RBM6: variants seen among roughly 807,000 people sequenced by gnomAD.
The protein encoded by RBM6 is RNA-binding protein 6.
A neutral mutation model predicts 140.4 loss-of-function variants in RBM6; 23 were observed. The ratio of observed to expected loss-of-function variants is 0.16; its 90% confidence interval spans 0.12 to 0.23. RBM6 has a LOEUF of 0.23. RBM6 is among the 10% of genes least tolerant of loss of function. The pLI, the probability that RBM6 is intolerant of heterozygous loss-of-function variation, is 1.00. For synonymous variants in RBM6, 439 were observed against 475.6 expected, an observed-to-expected ratio of 0.92 and a Z score of 1.00; for missense variants, 1,139 against 1,386.7, an observed-to-expected ratio of 0.82 and a Z score of 2.84.
intron 1 of RBM6, among the ~76,000 whole-genome samples, chr3:49,941,300 A>G (rs917734757): frequency 1.3e-5 from 2 of 152,142 alleles, no homozygotes; most frequent in Non-Finnish European, 2.9e-5. Context: ...GCATCTAACT[A>G]GATACCTAAC....
chr3:50,043,119 T>G (rs972862708), intron 6 of RBM6, among the ~76,000 whole-genome samples: 3 of 152,208 alleles, frequency 2.0e-5, no homozygotes, highest in African/African-American at 7.2e-5. Flanking sequence ...TTAGCAGGTT[T>G]TAGTCTAATT....
intron 5 of RBM6, among the ~76,000 whole-genome samples, chr3:49,984,139 C>A (rs2108681038): frequency 6.6e-6 from 1 of 151,760 alleles, no homozygotes; most frequent in East Asian, 1.9e-4. Flanking sequence ...AAAAAAAATA[C>A]AAAAAAAATT....
At chr3:50,070,605 ACCT>A in intron 19 of RBM6, 53 bp downstream of exon 19, 1 of 1,271,870 alleles carries the variant, frequency 7.9e-7, no homozygotes, top group East Asian at 2.3e-5. Flanking sequence ...TGATAAAACC[ACCT>A]CCTCCTTCAA....
intron 6 of RBM6, among the ~76,000 whole-genome samples, chr3:50,014,050 T>G (rs1357404171): frequency 1.3e-5 from 2 of 152,086 alleles, no homozygotes; most frequent in African/African-American, 4.8e-5. Flanking sequence ...ATTGCTGAGG[T>G]TGAAAAATAC....
Position 49,948,698 on chromosome 3 carries a change from G to A in RBM6, c.-67+8473G>A, listed in dbSNP as rs78015444. 1.8e-4 allele frequency among the ~76,000 whole-genome samples: 26 copies of A among 148,194 alleles called. 1 individual carries two copies. The East Asian group carries it at 5.2e-3, about 30-fold the overall frequency. ...CTGCACTCTAGATTGGCAGCAGAGTGAGACTCTGTCTCAAAAAAGAAAAAA... is the reference window on the plus strand; with the variant it reads ...CTGCACTCTAGATTGGCAGCAGAGTAAGACTCTGTCTCAAAAAAGAAAAAA... On this transcript the variant is annotated intron_variant, in intron 1 of 20. Coordinates refer to ENST00000266022, the MANE Select transcript of RBM6 (RefSeq NM_005777.3).
chr3:49,985,945 A>G (rs1575614602), intron 5 of RBM6, among the ~76,000 whole-genome samples: 2 of 151,624 alleles, frequency 1.3e-5, no homozygotes, highest in African/African-American at 2.4e-5. Flanking sequence ...AGTTGAGTAC[A>G]TTGTGTTATG....
Position 49,953,591 on chromosome 3 carries a change from C to T in RBM6, c.-66-8985C>T, listed in dbSNP as rs1436125228. On this transcript the variant is annotated intron_variant, in intron 1 of 20. Transcript: ENST00000266022. The stretch of plus-strand genomic sequence containing the variant: ...GTGCAGTAACATGACACAATCTCCG[C>T]TCACTGCAACCTCTGCCTTCTGGGT... Among the ~76,000 whole-genome samples, 3 of 151,378 alleles carry T rather than the reference C, an allele frequency of 2.0e-5. No homozygotes were observed. In the Middle Eastern group the frequency reaches 0.01, roughly 515 times the overall value.
intron 6 of RBM6, among the ~76,000 whole-genome samples, chr3:50,044,502 G>A (rs968105651): frequency 6.6e-6 from 1 of 151,318 alleles, no homozygotes; most frequent in African/African-American, 2.4e-5. Flanking sequence ...AGAATTGCTC[G>A]AACTTGGGAG....
chr3:50,012,849 TCTC>T (rs2086923254), intron 6 of RBM6, among the ~76,000 whole-genome samples: 1 of 150,410 alleles, frequency 6.6e-6, no homozygotes, highest in African/African-American at 2.5e-5. Flanking sequence ...TTCAAGCAAT[TCTC>T]CTGCCTCAGC....
chr3:49,954,455 A>AG (rs1200839888), intron 1 of RBM6, among the ~76,000 whole-genome samples: 9 of 151,892 alleles, frequency 5.9e-5, no homozygotes, highest in African/African-American at 2.2e-4. Flanking sequence ...AAAAAAAAAA[A>AG]AAAATTTGTG....
intron 2 of RBM6, among the ~76,000 whole-genome samples, chr3:49,963,833 A>G (rs572170795): frequency 6.6e-6 from 1 of 152,288 alleles, no homozygotes; most frequent in Non-Finnish European, 1.5e-5. Flanking sequence ...AATAAATCTG[A>G]CCTTTAAATG....
chr3:50,014,448 A>T (rs1226276693), intron 6 of RBM6, among the ~76,000 whole-genome samples: 1 of 152,238 alleles, frequency 6.6e-6, no homozygotes, highest in Non-Finnish European at 1.5e-5. Flanking sequence ...CAATTACTAG[A>T]AAAAACAAAC....
At chr3:49,983,349 G>A (rs1014400875) in intron 5 of RBM6, among the ~76,000 whole-genome samples, 2 of 152,054 alleles carry the variant, frequency 1.3e-5, no homozygotes, top group Non-Finnish European at 2.9e-5. Flanking sequence ...CACAGTAGCC[G>A]AGTGTGGTGA....
chr3:50,052,994 T>C (rs965752938), intron 7 of RBM6, among the ~76,000 whole-genome samples: 2 of 74,070 alleles, frequency 2.7e-5, no homozygotes, highest in Admixed American at 1.2e-4. Context: ...GGGGTGTGTG[T>C]GTGTGTGTGT....
Position 50,062,014 on chromosome 3 carries a change from A to T in RBM6, c.2492A>T (p.Lys831Met), listed in dbSNP as rs2089960907. ...GGATTACCTGAGGAAGAAGAGATCA[A>T]GGAAAAAAAACCCACCAGTCAAGGA... The part of the protein sequence containing the change: ...DPGLPEEEEI[K>M]EKKPTSQGKS... Residue 831 changes from lysine (K) to methionine (M), a missense_variant, in exon 15 of 21, where the codon AAG (lysine) becomes ATG (methionine). This residue lies in a region of RBM6 where 163 missense variants were observed against 182.8 expected (regional missense o/e 0.89). Transcript: ENST00000266022. The T allele has an allele frequency of 6.2e-6, 10 of 1,614,102 alleles. No homozygotes were observed. Among genetic ancestry groups the T allele is most frequent in the Non-Finnish European group, 8.5e-6 (10 of 1,179,988 alleles).
chr3:49,980,609 A>G (rs1438647470), intron 5 of RBM6, among the ~76,000 whole-genome samples: 3 of 151,588 alleles, frequency 2.0e-5, no homozygotes, highest in Non-Finnish European at 4.4e-5. Flanking sequence ...AAAAAATACA[A>G]AAATTAGCCG....
chr3:49,963,972 C>T (rs1161502380), intron 2 of RBM6, among the ~76,000 whole-genome samples: 1 of 152,146 alleles, frequency 6.6e-6, no homozygotes. Context: ...ATGATCTCAG[C>T]TCACTGCAGC....
At chr3:50,032,366 C>A (rs1320927828) in intron 6 of RBM6, among the ~76,000 whole-genome samples, 1 of 151,234 alleles carries the variant, frequency 6.6e-6, no homozygotes, top group African/African-American at 2.4e-5. Flanking sequence ...TGCCTGTAGT[C>A]CAAGCTACTC....
At chr3:50,034,504 G>C (rs942756408) in intron 6 of RBM6, among the ~76,000 whole-genome samples, 1 of 152,086 alleles carries the variant, frequency 6.6e-6, no homozygotes, top group Middle Eastern at 3.2e-3. Flanking sequence ...GCTCACGCCT[G>C]TAATCCCAGC....
Sources: allele counts gnomAD v4.1 joint callset (sites outside exome capture counted in the v4.1 genomes callset), GRCh38; gene constraint gnomAD v4.1.1; regional missense constraint gnomAD v4.1.1; transcripts MANE v1.5; gene names NCBI Gene and HGNC (gene_info 2026-07-23, HGNC 2026-07-21).